RGS6: variants seen among roughly 807,000 people sequenced by gnomAD.
RGS6 encodes regulator of G-protein signaling 6.
In RGS6, 30 loss-of-function variants were observed where a neutral mutation model predicts 78.5. The ratio of observed to expected loss-of-function variants is 0.38; its 90% CI spans 0.29 to 0.52. RGS6 has a LOEUF of 0.52. RGS6 is among the 20% of genes least tolerant of loss of function. The pLI, the probability that RGS6 is intolerant of heterozygous loss-of-function variation, is 0.85. For synonymous variants in RGS6, 206 were observed against 206.0 expected (o/e 1.00, Z 0.00); for missense variants, 495 against 609.7 (o/e 0.81, Z 1.98).
chr14:72,499,289 A>C (rs1027201906), intron 13 of RGS6, among the ~76,000 whole-genome samples: 13 of 152,168 alleles, frequency 8.5e-5, no homozygotes, highest in Non-Finnish European at 1.6e-4. Flanking sequence ...CAGGAACACA[A>C]TCCTCTGGCC....
At chr14:71,992,404 A>C (rs2094997966) in intron 2 of RGS6, among the ~76,000 whole-genome samples, 1 of 152,220 alleles carries the variant, frequency 6.6e-6, no homozygotes, top group Non-Finnish European at 1.5e-5. Context: ...CAGTCAGAGT[A>C]ATAGCTAATG....
At chr14:72,382,401 A>G (rs1056498430) in intron 3 of RGS6, among the ~76,000 whole-genome samples, 1 of 152,208 alleles carries the variant, frequency 6.6e-6, no homozygotes, top group Non-Finnish European at 1.5e-5. Context: ...GTGAGATATC[A>G]TTTTAATTCA....
chr14:72,034,354 A>C (rs1174564044), intron 2 of RGS6, among the ~76,000 whole-genome samples: 1 of 150,122 alleles, frequency 6.7e-6, no homozygotes, highest in Non-Finnish European at 1.5e-5. Context: ...TCTATTAATG[A>C]AATTTTTTGT....
chr14:71,887,164 T>C, the RGS6 span, among the ~76,000 whole-genome samples: 1 of 152,196 alleles, frequency 6.6e-6, no homozygotes, highest in Non-Finnish European at 1.5e-5. Flanking sequence ...GTAATACTTT[T>C]ATAATTTCTT....
the RGS6 span, among the ~76,000 whole-genome samples, chr14:72,620,407 T>A: frequency 6.6e-6 from 1 of 152,244 alleles, no homozygotes; most frequent in Non-Finnish European, 1.5e-5. Flanking sequence ...ACTCTCTCCA[T>A]CTGTGAAATG....
At chr14:72,341,726 A>T (rs1407159444) in intron 2 of RGS6, among the ~76,000 whole-genome samples, 1 of 152,198 alleles carries the variant, frequency 6.6e-6, no homozygotes. Flanking sequence ...TAGCTGTGGG[A>T]AGCCATAGCA....
At position 72,465,829 on chromosome 14, in the gene RGS6, A is replaced by T; in HGVS notation, c.459+7A>T. 1 of 1,608,276 alleles carries T rather than the reference A, an allele frequency of 6.2e-7. No individual in the cohort carries two copies. Among genetic ancestry groups the T allele is most frequent in the Non-Finnish European group, 8.5e-7 (1 of 1,174,680 alleles). ...ACTGGCAGATTATGAAGCAGTAAGT[A>T]TGATTATTTTCCAGGATACATATAA... is the stretch of plus-strand genomic sequence containing the variant. On this transcript the variant is annotated splice_region_variant and intron_variant, in intron 7 of 17. Coordinates refer to ENST00000553525, the MANE Select transcript of RGS6 (RefSeq NM_001204424.2).
At chr14:72,037,748 T>A (rs1334813272) in intron 2 of RGS6, among the ~76,000 whole-genome samples, 1 of 152,200 alleles carries the variant, frequency 6.6e-6, no homozygotes, top group Non-Finnish European at 1.5e-5. Flanking sequence ...TCTGAAGTAA[T>A]GGAAATGGGA....
the RGS6 span, among the ~76,000 whole-genome samples, chr14:71,916,836 G>A: frequency 1.3e-5 from 2 of 152,200 alleles, no homozygotes; most frequent in Non-Finnish European, 2.9e-5. Context: ...CAGAACACAT[G>A]CCAAAGTCAC....
chr14:71,954,990 GC>G (rs2092675846), intron 1 of RGS6, among the ~76,000 whole-genome samples: 1 of 152,184 alleles, frequency 6.6e-6, no homozygotes, highest in Non-Finnish European at 1.5e-5. Flanking sequence ...TTTGTTGAAA[GC>G]CAGACATGAT....
chr14:72,517,448 G>T (rs1270853477), intron 14 of RGS6, among the ~76,000 whole-genome samples: 1 of 151,780 alleles, frequency 6.6e-6, no homozygotes, highest in African/African-American at 2.4e-5. Context: ...TTTGGCTCTG[G>T]CTGCTGCTGC....
intron 2 of RGS6, among the ~76,000 whole-genome samples, chr14:71,976,929 T>A (rs1462765296): frequency 4.6e-5 from 6 of 131,778 alleles, no homozygotes; most frequent in African/African-American, 1.1e-4. Flanking sequence ...ACCTGTTGTT[T>A]CCTGACTTTT....
chr14:72,621,100 C>G, the RGS6 span, among the ~76,000 whole-genome samples: 2 of 150,836 alleles, frequency 1.3e-5, no homozygotes, highest in Non-Finnish European at 2.9e-5. Context: ...AAGATCGCAC[C>G]ACTGCACTCC....
At chr14:72,416,698 T>C (rs1178965808) in intron 3 of RGS6, among the ~76,000 whole-genome samples, 1 of 152,170 alleles carries the variant, frequency 6.6e-6, no homozygotes, top group Non-Finnish European at 1.5e-5. Flanking sequence ...AACAAGGAAA[T>C]GATCCTCTGA....
At chr14:72,618,084 C>T in the RGS6 span, among the ~76,000 whole-genome samples, 2 of 152,008 alleles carry the variant, frequency 1.3e-5, no homozygotes, top group Non-Finnish European at 2.9e-5. Context: ...AAGAGTCCTG[C>T]ATGTTTGGGG....
intron 2 of RGS6, among the ~76,000 whole-genome samples, chr14:72,088,448 C>T (rs1055860942): frequency 2.0e-5 from 3 of 152,190 alleles, no homozygotes; most frequent in Admixed American, 6.5e-5. Flanking sequence ...TACTTCTGCT[C>T]TTCTTGGCAA....
chr14:72,510,800 C>T (rs2096869028), intron 14 of RGS6, among the ~76,000 whole-genome samples: 1 of 152,162 alleles, frequency 6.6e-6, no homozygotes, highest in Admixed American at 6.5e-5. Context: ...TAAAAACATG[C>T]TTTTTTCTTT....
chr14:72,597,811 G>A, the RGS6 span, among the ~76,000 whole-genome samples: 6 of 152,106 alleles, frequency 3.9e-5, no homozygotes, highest in Admixed American at 1.3e-4. Context: ...TATGTGCACC[G>A]AGGAGCAGAG....
rs536039165 is a variant in RGS6 at position 72,446,697 on chromosome 14, T to C, written c.185-7831T>C. ...TATACAACTCACCACAATGTAGAATTAGTGGGAGCCCTGAGCTTGTTTTCC... is the reference window on the plus strand; with the variant it reads ...TATACAACTCACCACAATGTAGAATCAGTGGGAGCCCTGAGCTTGTTTTCC... On this transcript the variant is annotated intron_variant, in intron 3 of 17. Transcript: ENST00000553525. Among the ~76,000 whole-genome samples, 80 of 152,308 alleles carry C rather than the reference T, an allele frequency of 5.3e-4. 1 individual carries two copies. Among genetic ancestry groups the C allele is most frequent in the African/African-American group, 1.9e-3 (80 of 41,542 alleles).
Sources: gnomAD v4.1 joint callset for allele counts (sites outside exome capture counted in the v4.1 genomes callset) on GRCh38, gnomAD v4.1.1 for gene constraint, MANE v1.5 for transcripts, NCBI Gene and HGNC (gene_info 2026-07-23, HGNC 2026-07-21) for gene names.